GREB1: variants seen among roughly 807,000 people sequenced by gnomAD.
The protein encoded by GREB1 is protein GREB1.
A neutral mutation model predicts 200.7 loss-of-function variants in GREB1; 106 were observed. The ratio of observed to expected loss-of-function variants is 0.53; its 90% CI spans 0.45 to 0.62. The LOEUF is 0.62. GREB1 is among the 20% of genes least tolerant of loss of function. The probability of loss-of-function intolerance (pLI) is 0.00; values close to 1 mark genes in which losing one functional copy is unlikely to be tolerated. For synonymous variants in GREB1, 1,132 were observed against 1,092.4 expected, an observed-to-expected ratio of 1.04 and a Z score of -0.72; for missense variants, 2,243 against 2,556.8, an observed-to-expected ratio of 0.88 and a Z score of 2.65.
chr2:11,614,724 T>C (rs1165845740), intron 19 of GREB1, among the ~76,000 whole-genome samples: 1 of 152,102 alleles, frequency 6.6e-6, no homozygotes, highest in Non-Finnish European at 1.5e-5. Flanking sequence ...CCACCACGCC[T>C]GGCTCATTTT....
chr2:11,615,388 C>G, intron 20 of GREB1, 98 bp downstream of exon 20: 1 of 1,065,332 alleles, frequency 9.4e-7, no homozygotes, highest in Non-Finnish European at 1.4e-6. Context: ...ACAGCTGTCT[C>G]CAGTTCAGCA....
chr2:11,541,835 G>T (rs1674783855), intron 1 of GREB1, among the ~76,000 whole-genome samples: 1 of 152,158 alleles, frequency 6.6e-6, no homozygotes, highest in African/African-American at 2.4e-5. Context: ...AAGGACCTGT[G>T]TTGCCCAGGC....
chr2:11,545,749 C>A (rs977629894), intron 1 of GREB1, among the ~76,000 whole-genome samples: 1 of 152,156 alleles, frequency 6.6e-6, no homozygotes, highest in Non-Finnish European at 1.5e-5. Flanking sequence ...ACCACGTTAC[C>A]TAAGTTTTAG....
At chr2:11,557,501 GA>G (rs1478355935) in intron 2 of GREB1, among the ~76,000 whole-genome samples, 1 of 152,212 alleles carries the variant, frequency 6.6e-6, no homozygotes, top group East Asian at 1.9e-4. Flanking sequence ...AATTAACGAA[GA>G]AAGCACTGAG....
At chr2:11,609,446 T>G (rs1180806225) in intron 17 of GREB1, among the ~76,000 whole-genome samples, 1 of 151,950 alleles carries the variant, frequency 6.6e-6, no homozygotes, top group Non-Finnish European at 1.5e-5. Context: ...CTTTTGTATT[T>G]TTAGTAGAGG....
chr2:11,624,653 C>G (rs1684289559), intron 23 of GREB1, among the ~76,000 whole-genome samples: 2 of 152,110 alleles, frequency 1.3e-5, no homozygotes, highest in African/African-American at 2.4e-5. Context: ...CCAAGATACA[C>G]AAATGTTTCA....
chr2:11,605,343 A>C (rs1242939785), intron 17 of GREB1, among the ~76,000 whole-genome samples: 1 of 151,024 alleles, frequency 6.6e-6, no homozygotes. Context: ...CTCCTACCTC[A>C]GTCTCCCAAG....
chr2:11,506,273 G>C (rs137877937), intron 1 of GREB1, among the ~76,000 whole-genome samples: 1 of 152,162 alleles, frequency 6.6e-6, no homozygotes, highest in Non-Finnish European at 1.5e-5. Flanking sequence ...GCGTGGTTTG[G>C]TAATGTGCCA....
chr2:11,538,521 T>C (rs1352578619), intron 1 of GREB1, among the ~76,000 whole-genome samples: 1 of 152,180 alleles, frequency 6.6e-6, no homozygotes, highest in Non-Finnish European at 1.5e-5. Context: ...TTTTCTTTCC[T>C]TTTTGAATTA....
Position 11,640,202 on chromosome 2 carries a change from C to T in GREB1, c.5687-89C>T. The T allele has an allele frequency of 7.6e-6, 10 of 1,321,240 alleles. No homozygotes were observed. The South Asian group carries it at 1.4e-4, about 19-fold the overall frequency. 81.8% of individuals were successfully genotyped at this position (1,321,240 alleles called of 1,614,324 possible). ...TCTGCCCTTCCCAACAGCGCCCTGT[C>T]TTGTCATTGCAAGTAGAATCCGGGC... is the stretch of plus-strand genomic sequence containing the variant. On this transcript the variant is annotated intron_variant, in intron 32 of 32. Coordinates refer to ENST00000381486, the MANE Select transcript of GREB1 (RefSeq NM_014668.4). This position sits in a 1 kb window ranked among gnomAD's most constrained non-coding sequence, Gnocchi z 4.6.
At position 11,601,006 on chromosome 2, in the gene GREB1, C is replaced by T. The variant is rs1376904147; in HGVS notation, c.2529+11C>T. 15 of 1,601,452 alleles carry T rather than the reference C, an allele frequency of 9.4e-6. No individual in the cohort carries two copies. The highest frequency in any genetic ancestry group is 3.4e-5 in the Admixed American group (2 of 59,462). ...GCCTCCTGCAGTAATGTGAGTGCCA[C>T]GGGGCTGCTGGGCCCTTGTGTAGCA... On this transcript the variant is annotated intron_variant, in intron 16 of 32. Transcript: ENST00000381486.
chr2:11,562,653 C>T, intron 3 of GREB1, 71 bp downstream of exon 3: 1 of 1,491,182 alleles, frequency 6.7e-7, no homozygotes, highest in Non-Finnish European at 9.0e-7. Context: ...AGGCGGGTGA[C>T]TGGGCCTGTG....
chr2:11,607,585 C>CATATGTACAT (rs1682486298), intron 17 of GREB1, among the ~76,000 whole-genome samples: 2 of 102,582 alleles, frequency 1.9e-5, no homozygotes, highest in Non-Finnish European at 4.1e-5. Context: ...CACATATATA[C>CATATGTACAT]ATATATACAT....
intron 13 of GREB1, among the ~76,000 whole-genome samples, chr2:11,596,893 TGA>T (rs1681314310): frequency 4.6e-5 from 2 of 43,128 alleles, no homozygotes; most frequent in Admixed American, 6.5e-4. Flanking sequence ...GTGTGTACAG[TGA>T]GAGTGGTGGG....
chr2:11,638,915 A>G (rs774854415), intron 32 of GREB1, 106 bp downstream of exon 32: 2 of 1,180,890 alleles, frequency 1.7e-6, no homozygotes, highest in Non-Finnish European at 2.4e-6. Context: ...CCATGGGTAA[A>G]CTGAGGATCA....
chr2:11,483,186 TGCGCGCGGGTATAGGTGTGG>T (rs1243728938), intron 1 of GREB1, among the ~76,000 whole-genome samples: 2 of 151,778 alleles, frequency 1.3e-5, no homozygotes, highest in East Asian at 3.9e-4. Flanking sequence ...TGCGTGCGTG[TGCGCGCGGGTATAGGTGTGG>T]GCGCGCGTGT....
intron 3 of GREB1, among the ~76,000 whole-genome samples, chr2:11,566,223 G>A (rs1677632452): frequency 6.6e-6 from 1 of 151,950 alleles, no homozygotes; most frequent in Non-Finnish European, 1.5e-5. Context: ...CACTACATTG[G>A]CCAGGCTGGT....
rs562438330 is a variant in GREB1 at position 11,484,871 on chromosome 2, A to T, written c.-159+2490A>T. Among the ~76,000 whole-genome samples, 9 of 152,352 alleles carry T rather than the reference A, an allele frequency of 5.9e-5. No homozygotes were observed. The East Asian group carries it at 1.2e-3, about 20-fold the overall frequency. ...TGTTTGTTTGTTTGTTTTGAGACGG[A>T]GTCTCGCTCTTTCGCCCAGGCTGGA... On this transcript the variant is annotated intron_variant, in intron 1 of 2. Transcript: ENST00000628795.
intron 17 of GREB1, among the ~76,000 whole-genome samples, chr2:11,609,746 C>T (rs1682746949): frequency 6.6e-6 from 1 of 152,140 alleles, no homozygotes; most frequent in Admixed American, 6.6e-5. Context: ...GGGATGTCAT[C>T]GCAATGTCAG....
Sources: gnomAD v4.1 joint callset for allele counts (sites outside exome capture counted in the v4.1 genomes callset) on GRCh38, gnomAD v4.1.1 for gene constraint, Gnocchi (gnomAD v3.1) non-coding constraint, MANE v1.5 for transcripts, NCBI Gene and HGNC (gene_info 2026-07-23, HGNC 2026-07-21) for gene names.